Variants in PIEZO1 observed in about 807,000 individuals in gnomAD.
PIEZO1 encodes the protein piezo-type mechanosensitive ion channel component 1.
Under a neutral mutation model 297.2 loss-of-function variants are expected in PIEZO1, and 296 were observed. The observed-to-expected ratio is 1.00, with a 90% CI of 0.91 to 1.10. The LOEUF (loss-of-function observed/expected upper bound fraction) is 1.10. Ranked by LOEUF, PIEZO1 falls within the 50% of genes least tolerant of loss-of-function variation. The probability of loss-of-function intolerance (pLI) is 0.00; values close to 1 mark genes in which losing one functional copy is unlikely to be tolerated. For missense variants in PIEZO1, 5,018 were observed against 3,455.5 expected (o/e 1.45, Z -11.34); for synonymous variants, 2,427 against 1,507.5 (o/e 1.61, Z -14.13).
chr16:88,718,153 G>C, intron 44 of PIEZO1: 1 of 183,938 alleles, frequency 5.4e-6, no homozygotes, highest in South Asian at 1.0e-4. Flanking sequence ...CACATGAAAA[G>C]ACGCTCAGCG....
At chr16:88,738,498 CCA>C in intron 6 of PIEZO1, 58 bp from the exon 7 acceptor site, 2 of 1,493,684 alleles carry the variant, frequency 1.3e-6, no homozygotes, top group African/African-American at 1.7e-5. Context: ...CCCGCTGTCT[CCA>C]CAGTCATCAG....
Position 88,715,360 on chromosome 16 carries a change from T to A in PIEZO1, c.*245A>T, listed in dbSNP as rs2142742884. On this transcript the variant is annotated 3_prime_UTR_variant, in exon 51 of 51. Coordinates refer to ENST00000301015, the MANE Select transcript of PIEZO1 (RefSeq NM_001142864.4). ...GCCTCTGATTGTCCATTTGTATAAA[T>A]AAAACATTTTTTAATTAAAAAAAAA... The A allele has an allele frequency of 8.1e-7, 1 of 1,232,666 alleles. No homozygotes were observed. Among genetic ancestry groups the A allele is most frequent in the Non-Finnish European group, 1.1e-6 (1 of 899,408 alleles). The allele number at this position is 1,232,666 out of a possible 1,614,324, so 76.4% of individuals were successfully genotyped here.
intron 10 of PIEZO1, 47 bp from the exon 11 acceptor site, chr16:88,736,786 C>A (rs774456840): frequency 8.0e-7 from 1 of 1,257,412 alleles, no homozygotes; most frequent in South Asian, 1.4e-5. Flanking sequence ...ATCTGCAGGC[C>A]TCCCCACCCT....
At position 88,726,765 on chromosome 16, in the gene PIEZO1, A is replaced by AC; in HGVS notation, c.3648_3649insG (p.Cys1217ValfsTer49). 1 of 1,550,126 alleles carries AC rather than the reference A, an allele frequency of 6.5e-7. No homozygotes were observed. Among genetic ancestry groups the AC allele is most frequent in the South Asian group, 1.2e-5 (1 of 84,062 alleles). ...ACGGTGACGTTGTACAGAATGAGGCAGTCCCACAGCACGAGGCGGGCCCGT... is the reference window on the plus strand; with the variant it reads ...ACGGTGACGTTGTACAGAATGAGGCACGTCCCACAGCACGAGGCGGGCCCGT... On this transcript the variant is annotated frameshift_variant, in exon 25 of 51. Transcript: ENST00000301015. LOFTEE classifies it high-confidence loss of function.
Position 88,737,758 on chromosome 16 carries a change from G to A in PIEZO1, c.1077C>T (p.Asp359=). 2 of 1,535,754 alleles carry A rather than the reference G, an allele frequency of 1.3e-6. No homozygotes were observed. Among genetic ancestry groups the A allele is most frequent in the Non-Finnish European group, 8.7e-7 (1 of 1,146,720 alleles). The part of the protein sequence containing the change: ...EARELELAEL[D]QWPQERESDQ... ...CAGACTCCCGTTCCTGGGGCCACTG[G>A]TCCAGCTCTGCTAGCTCCAGCTCCC... Residue 359 remains aspartate, a synonymous_variant, in exon 9 of 51, where the codon GAC becomes GAT. Transcript: ENST00000301015.
chr16:88,736,489 G>A (rs1597460103), intron 11 of PIEZO1, 81 bp from the exon 12 acceptor site: 1 of 611,318 alleles, frequency 1.6e-6, no homozygotes, highest in East Asian at 2.8e-5. Context: ...AGAGGGGGCT[G>A]CACAGCTGCC....
chr16:88,716,089 A>G lies in PIEZO1; in HGVS notation c.7160T>C (p.Ile2387Thr), dbSNP rs1912003394. The G allele has an allele frequency of 6.5e-7, 1 of 1,548,942 alleles. No homozygotes were observed. The highest frequency in any genetic ancestry group is 8.7e-7 in the Non-Finnish European group (1 of 1,146,096). ...CGCACCCTGCTCCCTCCGCAGCTGG[A>G]TACGCACGCCGAGGTAGTCGGCCTC... is the stretch of plus-strand genomic sequence containing the variant. ...NEEADYLGVRIQLRREQGAGA... is the reference protein window; with the variant it reads ...NEEADYLGVRTQLRREQGAGA... Residue 2387 changes from isoleucine to threonine, a missense_variant, in exon 50 of 51, where the codon ATC becomes ACC. Transcript: ENST00000301015.
At chr16:88,727,861 C>G (rs570946035) in intron 22 of PIEZO1, 200 bp from the exon 23 acceptor site, 1 of 383,926 alleles carries the variant, frequency 2.6e-6, no homozygotes, top group Non-Finnish European at 4.6e-6. Context: ...CTGCACCAAG[C>G]CCCTGGGGGC....
Position 88,785,093 on chromosome 16 carries a change from CCTT to C in PIEZO1, c.-132_-130del, listed in dbSNP as rs1328660352. On this transcript the variant is annotated 5_prime_UTR_variant, in exon 1 of 51. Transcript: ENST00000301015. ...CCGCGCGCCGCCTTCTCCTCTTCCT[CCTT>C]CTCCTTCGGCCGCCCCGCCGGTGCC... 6.3e-6 allele frequency: 3 copies of C among 476,956 alleles called. No individual in the cohort carries two copies. The highest frequency in any genetic ancestry group is 5.0e-5 in the East Asian group (1 of 20,010). The allele number at this position is 476,956 out of a possible 1,614,324, so 29.5% of individuals were successfully genotyped here.
In PIEZO1 at chr16:88,727,409, T is replaced by G. The variant is rs1037288948; in HGVS notation, c.3301+148A>C. On this transcript the variant is annotated intron_variant, in intron 23 of 50. Coordinates refer to ENST00000301015, the MANE Select transcript of PIEZO1 (RefSeq NM_001142864.4). Reference sequence around the variant, plus strand: ...GCACACAGGCTGAGGTCTGCGTGCGTGCGTGCGAGGTCAGGGCCTGCAGGC... The same window carrying G: ...GCACACAGGCTGAGGTCTGCGTGCGGGCGTGCGAGGTCAGGGCCTGCAGGC... 3.7e-5 allele frequency: 24 copies of G among 647,534 alleles called. No individual in the cohort carries two copies. In the South Asian group the frequency reaches 4.1e-4, roughly 11 times the overall value. 40.1% of individuals were successfully genotyped at this position (647,534 alleles called of 1,614,324 possible). A position where few individuals can be genotyped will look rare whatever the true frequency, so the allele number is the denominator to read the frequency against.
rs1306963721 is a variant in PIEZO1 at position 88,716,347 on chromosome 16, G to T, written c.7049+14C>A. The T allele has an allele frequency of 1.3e-6, 2 of 1,521,278 alleles. No homozygotes were observed. The highest frequency in any genetic ancestry group is 1.8e-6 in the Non-Finnish European group (2 of 1,129,292). The allele number at this position is 1,521,278 out of a possible 1,614,324, so 94.2% of individuals were successfully genotyped here. A position where few individuals can be genotyped will look rare whatever the true frequency, so the allele number is the denominator to read the frequency against. On this transcript the variant is annotated intron_variant, in intron 48 of 50. Coordinates refer to ENST00000301015, the MANE Select transcript of PIEZO1 (RefSeq NM_001142864.4). The stretch of plus-strand genomic sequence containing the variant: ...GCACAGCCCTCCTGCCCACCACCCG[G>T]GCCCTTCACTCACACAGACTGGTCC...
intron 1 of PIEZO1, among the ~76,000 whole-genome samples, chr16:88,765,702 A>G (rs1485993012): frequency 1.5e-5 from 2 of 137,502 alleles, no homozygotes; most frequent in Non-Finnish European, 3.1e-5. Context: ...ACAGAGTCTC[A>G]CTCTGTCGCC....
At chr16:88,746,516 C>T (rs780702544) in intron 2 of PIEZO1, among the ~76,000 whole-genome samples, 1 of 152,200 alleles carries the variant, frequency 6.6e-6, no homozygotes, top group African/African-American at 2.4e-5. Flanking sequence ...CTCCAGCCCC[C>T]CAAGGATCAG....
chr16:88,769,059 C>T (rs1052917198), intron 1 of PIEZO1, among the ~76,000 whole-genome samples: 2 of 152,166 alleles, frequency 1.3e-5, no homozygotes, highest in Non-Finnish European at 2.9e-5. Context: ...AGAGTGGGGG[C>T]CCCTCATCCA....
At position 88,727,184 on chromosome 16, in the gene PIEZO1, G is replaced by C. The variant is rs775644079; in HGVS notation, c.3310C>G (p.Leu1104Val). The C allele has an allele frequency of 1.0e-5, 16 of 1,541,198 alleles. No individual in the cohort carries two copies. Among genetic ancestry groups the C allele is most frequent in the African/African-American group, 1.4e-5 (1 of 72,838 alleles). ...PNSTNLISDFLLLLCASQQWQ... is the reference protein window; with the variant it reads ...PNSTNLISDFVLLLCASQQWQ... The stretch of plus-strand genomic sequence containing the variant: ...TGCTGGGAGGCGCACAGCAGCAGGA[G>C]AAAGTCGCCTGCAGGACACAGGAGC... The change falls in exon 24 of 51, where the codon CTC (leucine) becomes GTC (valine). Residue 1104 changes from leucine to valine, a missense_variant. Transcript: ENST00000301015.
intron 22 of PIEZO1, among the ~76,000 whole-genome samples, chr16:88,728,038 C>T (rs1359605343): frequency 6.6e-6 from 1 of 152,254 alleles, no homozygotes; most frequent in Non-Finnish European, 1.5e-5. Flanking sequence ...AAAGTTCAAC[C>T]TGCAGCAACC....
chr16:88,727,397 G>C (rs907380726), intron 23 of PIEZO1, among the ~76,000 whole-genome samples, 160 bp downstream of exon 23: 10 of 152,140 alleles, frequency 6.6e-5, no homozygotes, highest in African/African-American at 2.2e-4. Context: ...CACAGGCTGA[G>C]GTCTGCGTGC....
rs751047478 is a variant in PIEZO1 at position 88,721,840 on chromosome 16, G to A, written c.5182C>T (p.Arg1728Cys). 58 of 1,548,726 alleles carry A rather than the reference G, an allele frequency of 3.7e-5. No individual in the cohort carries two copies. The highest frequency in any genetic ancestry group is 1.3e-4 in the South Asian group (11 of 84,052). ...AAGACGATGGCCGTCATCCAGAAGC[G>A]CTTGCTGGGCCTCGGGATCGACAGC... Reference protein sequence around the residue: ...AMLSIPRPSKRFWMTAIVFTE... With the variant: ...AMLSIPRPSKCFWMTAIVFTE... The change falls in exon 37 of 51, where the codon CGC becomes TGC. Residue 1728 changes from arginine (R) to cysteine (C), a missense_variant. By Grantham distance (180) the Arg-to-Cys change is radical (BLOSUM62 -3). Coordinates refer to ENST00000301015, the MANE Select transcript of PIEZO1 (RefSeq NM_001142864.4).
chr16:88,738,817 G>A, intron 5 of PIEZO1, 81 bp from the exon 6 acceptor site: 1 of 1,309,078 alleles, frequency 7.6e-7, no homozygotes, highest in Non-Finnish European at 1.0e-6. Context: ...CCAGCCAGGA[G>A]CGTGGGAGGC....
Sources: allele counts gnomAD v4.1 joint callset (sites outside exome capture counted in the v4.1 genomes callset), GRCh38; gene constraint gnomAD v4.1.1; transcripts MANE v1.5; gene names NCBI Gene and HGNC (gene_info 2026-07-23, HGNC 2026-07-21).